The following VWA5A variants were observed in gnomAD, a reference collection of about 807,000 sequenced individuals.
VWA5A encodes the protein von Willebrand factor A domain-containing protein 5A.
A neutral mutation model predicts 84.6 loss-of-function variants in VWA5A; 77 were observed. The observed-to-expected ratio is 0.91, with a 90% confidence interval of 0.76 to 1.10. VWA5A has a LOEUF of 1.10. VWA5A is among the 50% of genes least tolerant of loss of function. The pLI is 0.00. For synonymous variants in VWA5A, 334 were observed against 350.1 expected, an observed-to-expected ratio of 0.95 and a Z score of 0.51; for missense variants, 973 against 963.0, an observed-to-expected ratio of 1.01 and a Z score of -0.14.
intron 7 of VWA5A, 60 bp downstream of exon 7, chr11:124,119,149 C>A: frequency 7.0e-7 from 1 of 1,433,018 alleles, no homozygotes; most frequent in Non-Finnish European, 9.7e-7. Flanking sequence ...CTTGGAATTA[C>A]TGTCGAATTA....
chr11:124,121,623 C>G (rs1452360033), intron 7 of VWA5A, among the ~76,000 whole-genome samples: 1 of 152,070 alleles, frequency 6.6e-6, no homozygotes, highest in East Asian at 1.9e-4. Context: ...GTAGGTGTTA[C>G]TACCTTGACT....
chr11:124,131,338 G>A (rs1001832495), intron 11 of VWA5A, among the ~76,000 whole-genome samples: 6 of 152,034 alleles, frequency 3.9e-5, no homozygotes, highest in African/African-American at 1.2e-4. Flanking sequence ...TTCATCATGC[G>A]ACTCAGAATG....
chr11:124,120,507 A>G (rs1034123866), intron 7 of VWA5A, among the ~76,000 whole-genome samples: 2 of 151,812 alleles, frequency 1.3e-5, no homozygotes, highest in Non-Finnish European at 2.9e-5. Context: ...AGAGTACCCT[A>G]CTCTCTCATT....
intron 7 of VWA5A, among the ~76,000 whole-genome samples, chr11:124,119,857 A>C (rs1418994347): frequency 1.3e-5 from 2 of 152,234 alleles, no homozygotes; most frequent in Non-Finnish European, 2.9e-5. Context: ...AACATTTTAA[A>C]ACACAGGAAG....
At chr11:124,126,792 C>T (rs911492724) in intron 11 of VWA5A, among the ~76,000 whole-genome samples, 2 of 151,842 alleles carry the variant, frequency 1.3e-5, no homozygotes, top group Non-Finnish European at 2.9e-5. Context: ...CACCATATAA[C>T]CTTCACCCGG....
intron 11 of VWA5A, among the ~76,000 whole-genome samples, chr11:124,128,001 A>AAGT: frequency 6.6e-6 from 1 of 152,248 alleles, no homozygotes; most frequent in African/African-American, 2.4e-5. Flanking sequence ...TGCTGTGCAG[A>AAGT]AGTTCTTTCG....
chr11:124,136,663 G>A lies in VWA5A; in HGVS notation c.1614G>A (p.Lys538=), dbSNP rs753213538. The change falls in exon 14 of 19, where the codon AAG becomes AAA. Residue 538 remains lysine (K), a synonymous_variant. Coordinates refer to ENST00000456829, the MANE Select transcript of VWA5A (RefSeq NM_001130142.2). ...AGGTGACATTTCCTCTACAACCCAA[G>A]CCTGATGTCAAGTGAGAATTCAGTT... The part of the protein sequence containing the change: ...EDKVTFPLQP[K]PDVNLTIHRL... 1.2e-6 allele frequency: 2 copies of A among 1,613,634 alleles called. No individual in the cohort carries two copies. The highest frequency in any genetic ancestry group is 1.7e-6 in the Non-Finnish European group (2 of 1,179,776).
rs1234551799 is a variant in VWA5A, at chr11:124,147,482, A to C, written c.*1537A>C. On this transcript the variant is annotated 3_prime_UTR_variant, in exon 19 of 19. Coordinates refer to ENST00000456829, the MANE Select transcript of VWA5A (RefSeq NM_001130142.2). Reference sequence around the variant, plus strand: ...TGTTGAGTTACCTGGTATTAGGAAGACTTGTGTGACTTGCATAGTGGACTC... The same window carrying C: ...TGTTGAGTTACCTGGTATTAGGAAGCCTTGTGTGACTTGCATAGTGGACTC... 3 of 152,168 alleles carry C rather than the reference A, an allele frequency of 2.0e-5. No individual in the cohort carries two copies. The highest frequency in any genetic ancestry group is 2.9e-5 in the Non-Finnish European group (2 of 68,030). 9.4% of individuals were successfully genotyped at this position (152,168 alleles called of 1,614,324 possible).
intron 11 of VWA5A, among the ~76,000 whole-genome samples, chr11:124,126,094 C>T (rs902495195): frequency 2.0e-5 from 3 of 152,036 alleles, no homozygotes; most frequent in African/African-American, 7.2e-5. Flanking sequence ...TTGGTCTATT[C>T]ATCTAGACGT....
At chr11:124,125,108 C>A (rs1864999198) in intron 11 of VWA5A, among the ~76,000 whole-genome samples, 1 of 152,164 alleles carries the variant, frequency 6.6e-6, no homozygotes, top group South Asian at 2.1e-4. Context: ...GTAGATTTTT[C>A]TCTGAGTAGA....
rs956251828 is a variant in VWA5A at position 124,122,969 on chromosome 11, T to C, written c.770T>C (p.Met257Thr). 3 of 1,613,338 alleles carry C rather than the reference T, an allele frequency of 1.9e-6. No individual in the cohort carries two copies. The highest frequency in any genetic ancestry group is 2.7e-5 in the African/African-American group (2 of 74,896). Residue 257 changes from methionine to threonine, a missense_variant, in exon 8 of 19, where the codon ATG (methionine) becomes ACG (threonine). Transcript: ENST00000456829. ...GMPNMKPGHLMGDPSAMVSFY... is the reference protein window; with the variant it reads ...GMPNMKPGHLTGDPSAMVSFY... Reference sequence around the variant, plus strand: ...TATCCTTTCTGAACAGGTCATTTGATGGGAGATCCATCTGCAATGGTGAGT... The same window carrying C: ...TATCCTTTCTGAACAGGTCATTTGACGGGAGATCCATCTGCAATGGTGAGT...
In VWA5A at chr11:124,146,161, C is replaced by T. The variant is rs982373528; in HGVS notation, c.*216C>T. On this transcript the variant is annotated 3_prime_UTR_variant, in exon 19 of 19. Coordinates refer to ENST00000456829, the MANE Select transcript of VWA5A (RefSeq NM_001130142.2). ...TGCCCTCAGAAAAGTGACAGTGGTC[C>T]CAGAACCTATTCCCTTTCTTGAGGG... 8.5e-6 allele frequency: 4 copies of T among 468,698 alleles called. No homozygotes were observed. Among genetic ancestry groups the T allele is most frequent in the Non-Finnish European group, 1.5e-5 (4 of 263,574 alleles). 29.0% of individuals were successfully genotyped at this position (468,698 alleles called of 1,614,324 possible).
intron 15 of VWA5A, among the ~76,000 whole-genome samples, chr11:124,141,154 A>G (rs1266551765): frequency 6.6e-6 from 1 of 152,232 alleles, no homozygotes; most frequent in East Asian, 1.9e-4. Flanking sequence ...GAAGTAGACA[A>G]TAGTGACGAC....
intron 7 of VWA5A, among the ~76,000 whole-genome samples, 191 bp downstream of exon 7, chr11:124,119,280 A>G (rs1338921521): frequency 6.6e-6 from 1 of 152,242 alleles, no homozygotes; most frequent in Non-Finnish European, 1.5e-5. Context: ...TCTTGTAGGC[A>G]AATTTAAGTA....
intron 17 of VWA5A, among the ~76,000 whole-genome samples, 186 bp from the exon 18 acceptor site, chr11:124,145,051 A>G (rs1219078148): frequency 6.6e-6 from 1 of 152,186 alleles, no homozygotes; most frequent in South Asian, 2.1e-4. Flanking sequence ...TCGAGACTCA[A>G]TGGATTGCTG....
At position 124,128,205 on chromosome 11, in the gene VWA5A, G is replaced by C. The variant is rs1367205792; in HGVS notation, c.1244+3889G>C. Among the ~76,000 whole-genome samples the C allele has an allele frequency of 2.0e-5, 3 of 152,122 alleles. 1 individual carries two copies. On this transcript the variant is annotated intron_variant, in intron 11 of 18. Transcript: ENST00000456829. The stretch of plus-strand genomic sequence containing the variant: ...AATTTTTGTAAAAGGTTTAAGGAAG[G>C]GATCCAGTTTCAGTTTTCTGCATAT...
intron 11 of VWA5A, among the ~76,000 whole-genome samples, chr11:124,131,671 T>A (rs1386193735): frequency 6.6e-6 from 1 of 151,988 alleles, no homozygotes; most frequent in Non-Finnish European, 1.5e-5. Flanking sequence ...TTTAATGATG[T>A]TAATTAATTT....
chr11:124,133,779 T>C (rs1208187800), intron 11 of VWA5A, among the ~76,000 whole-genome samples: 2 of 152,180 alleles, frequency 1.3e-5, no homozygotes, highest in African/African-American at 4.8e-5. Context: ...TTAGGGAAAG[T>C]ATTAGGAACT....
intron 11 of VWA5A, among the ~76,000 whole-genome samples, chr11:124,134,163 A>C (rs1389307901): frequency 6.6e-6 from 1 of 152,226 alleles, no homozygotes; most frequent in African/African-American, 2.4e-5. Context: ...GTATTGTTAC[A>C]CGTAGGTCCA....
Sources: gnomAD v4.1 joint callset for allele counts (sites outside exome capture counted in the v4.1 genomes callset) on GRCh38, gnomAD v4.1.1 for gene constraint, MANE v1.5 for transcripts, NCBI Gene and HGNC (gene_info 2026-07-23, HGNC 2026-07-21) for gene names.